Variants in RIC1 observed in about 807,000 individuals in gnomAD.
RIC1 encodes RIC1 partner of RAB6A GEF complex.
A neutral mutation model predicts 169.0 loss-of-function variants in RIC1; 88 were observed. The ratio of observed to expected loss-of-function variants is 0.52; its 90% confidence interval spans 0.44 to 0.62. The LOEUF (loss-of-function observed/expected upper bound fraction) is 0.62, where lower values mean the gene tolerates loss of function less well. Ranked by LOEUF, RIC1 falls within the 20% of genes least tolerant of loss-of-function variation. RIC1 has a pLI of 0.00. For synonymous variants in RIC1, 790 were observed against 601.5 expected (o/e 1.31, Z -4.59); for missense variants, 1,877 against 1,725.5 (o/e 1.09, Z -1.56).
intron 7 of RIC1, 109 bp downstream of exon 7, chr9:5,732,588 T>A (rs1482967786): frequency 1.8e-6 from 1 of 565,932 alleles, no homozygotes; most frequent in Non-Finnish European, 3.1e-6. Context: ...TGCATCATGC[T>A]ATCATAATTT....
At chr9:5,772,295 ACT>A (rs1162843444) in intron 23 of RIC1, among the ~76,000 whole-genome samples, 2 of 152,164 alleles carry the variant, frequency 1.3e-5, no homozygotes, top group Non-Finnish European at 2.9e-5. Context: ...ACTTGGTCAA[ACT>A]CTAGCTAGAT....
chr9:5,709,418 T>A (rs566388268), intron 3 of RIC1, among the ~76,000 whole-genome samples: 1 of 152,174 alleles, frequency 6.6e-6, no homozygotes, highest in Non-Finnish European at 1.5e-5. Context: ...GATTATCAGC[T>A]CCCTTACTTT....
intron 2 of RIC1, among the ~76,000 whole-genome samples, chr9:5,678,080 G>A (rs1820566735): frequency 6.7e-6 from 1 of 149,500 alleles, no homozygotes; most frequent in Admixed American, 6.7e-5. Context: ...TCCCACCTAT[G>A]AGTGAGAACA....
chr9:5,680,170 C>G (rs1016550776), intron 2 of RIC1, among the ~76,000 whole-genome samples: 1 of 152,190 alleles, frequency 6.6e-6, no homozygotes, highest in African/African-American at 2.4e-5. Flanking sequence ...TTGAACCAGC[C>G]TTGCATCCCA....
At chr9:5,771,377 A>G (rs961653924) in intron 23 of RIC1, among the ~76,000 whole-genome samples, 4 of 151,954 alleles carry the variant, frequency 2.6e-5, no homozygotes, top group African/African-American at 9.7e-5. Context: ...TCCTTTTTGG[A>G]GCATGTTTTA....
intron 3 of RIC1, among the ~76,000 whole-genome samples, chr9:5,710,830 C>T (rs997919561): frequency 6.6e-6 from 1 of 151,900 alleles, no homozygotes; most frequent in African/African-American, 2.4e-5. Flanking sequence ...GAAATATATT[C>T]AGTAAAAGCA....
rs142145437 is a variant in RIC1 at position 5,720,893 on chromosome 9, T to A, written c.720+143T>A. The A allele has an allele frequency of 9.3e-3, 6,492 of 700,962 alleles. 53 individuals carry two copies. Among genetic ancestry groups the A allele is most frequent in the Non-Finnish European group, 0.011 (4,682 of 441,112 alleles). 43.4% of individuals were successfully genotyped at this position (700,962 alleles called of 1,614,324 possible). A position where few individuals can be genotyped will look rare whatever the true frequency, so the allele number is the denominator to read the frequency against. On this transcript the variant is annotated intron_variant, in intron 6 of 25. Coordinates refer to ENST00000414202, the MANE Select transcript of RIC1 (RefSeq NM_020829.4). Reference sequence around the variant, plus strand: ...AATCAAACCAAACATATAAATAGTATAAGTAGACAAAATTCTCTTGGACAT... The same window carrying A: ...AATCAAACCAAACATATAAATAGTAAAAGTAGACAAAATTCTCTTGGACAT...
chr9:5,656,724 T>G (rs778903348), intron 2 of RIC1, 34 bp downstream of exon 2: 8 of 1,204,286 alleles, frequency 6.6e-6, no homozygotes, highest in Non-Finnish European at 6.1e-6. Flanking sequence ...AGTGTTTTCT[T>G]ATGAAATCAT....
intron 17 of RIC1, among the ~76,000 whole-genome samples, chr9:5,758,125 G>T (rs1297067198): frequency 6.6e-6 from 1 of 152,122 alleles, no homozygotes; most frequent in African/African-American, 2.4e-5. Context: ...AGTGAAAAAG[G>T]ATATGGAAAG....
chr9:5,720,579 T>G, intron 5 of RIC1, 35 bp from the exon 6 acceptor site: 1 of 1,555,950 alleles, frequency 6.4e-7, no homozygotes, highest in Non-Finnish European at 8.6e-7. Context: ...TATTATATTC[T>G]TAATCCTATT....
rs779830582 is a variant in RIC1 at position 5,769,068 on chromosome 9, T to C, written c.3236T>C (p.Leu1079Pro). Residue 1079 changes from leucine to proline, a missense_variant, in exon 22 of 26, where the codon CTT becomes CCT. Physicochemically the swap from Leu to Pro is moderately conservative, Grantham distance 98. Coordinates refer to ENST00000414202, the MANE Select transcript of RIC1 (RefSeq NM_020829.4). Reference protein sequence around the residue: ...RLLEDVRLKDLGCFAAQLGFE... With the variant: ...RLLEDVRLKDPGCFAAQLGFE... ...TTAGAAGATGTGAGGTTAAAGGACC[T>C]TGGCTGCTTTGCAGCCCAGCTGGGC... 6.2e-7 allele frequency: 1 copy of C among 1,614,122 alleles called. No individual in the cohort carries two copies. The highest frequency in any genetic ancestry group is 1.7e-5 in the Admixed American group (1 of 60,008).
Position 5,721,891 on chromosome 9 carries a change from C to CT in RIC1, c.720+1155dup, listed in dbSNP as rs1261535327. Among the ~76,000 whole-genome samples the CT allele has an allele frequency of 7.6e-3, 1,067 of 141,184 alleles. 2 individuals carry two copies. Among genetic ancestry groups the CT allele is most frequent in the African/African-American group, 9.1e-3 (354 of 38,824 alleles). 92.6% of individuals were successfully genotyped at this position (141,184 alleles called of 152,430 possible). On this transcript the variant is annotated intron_variant, in intron 6 of 25. Coordinates refer to ENST00000414202, the MANE Select transcript of RIC1 (RefSeq NM_020829.4). ...CTGTTCATTTCATCTTTTTTGTTTT[C>CT]TTTTTTTTTTTTTTGAGATGGAATT...
rs148102774 is a variant in RIC1, at chr9:5,772,757, A to C, written c.3794+16A>C. 319 of 1,596,050 alleles carry C rather than the reference A, an allele frequency of 2.0e-4. 5 individuals are homozygous for C. The East Asian group carries it at 6.9e-3, about 35-fold the overall frequency. On this transcript the variant is annotated intron_variant, in intron 24 of 25. Transcript: ENST00000414202. Reference sequence around the variant, plus strand: ...TCCAGCTTCGGTGAGTTTCTTGGCTATTTGAAATCACAGAATGCCTACTCA... The same window carrying C: ...TCCAGCTTCGGTGAGTTTCTTGGCTCTTTGAAATCACAGAATGCCTACTCA...
At position 5,722,348 on chromosome 9, in the gene RIC1, A is replaced by AGAGAGAGAGTGTGTGTGTGTGT. The variant is rs374028302; in HGVS notation, c.720+1599_720+1600insAGAGAGAGTGTGTGTGTGTGTG. On this transcript the variant is annotated intron_variant, in intron 6 of 25. Coordinates refer to ENST00000414202, the MANE Select transcript of RIC1 (RefSeq NM_020829.4). The stretch of plus-strand genomic sequence containing the variant: ...CTTGCAAAAACTATAAGAGAGAGAG[A>AGAGAGAGAGTGTGTGTGTGTGT]GTGTGTGTGTGTGTGTGTGTGTGTG... 3.0e-5 allele frequency among the ~76,000 whole-genome samples: 4 copies of AGAGAGAGAGTGTGTGTGTGTGT among 131,336 alleles called. No homozygotes were observed. The East Asian group carries it at 7.0e-4, about 23-fold the overall frequency. 86.2% of individuals were successfully genotyped at this position (131,336 alleles called of 152,430 possible). A position where few individuals can be genotyped will look rare whatever the true frequency, so the allele number is the denominator to read the frequency against.
chr9:5,707,548 C>G (rs1010965174), intron 3 of RIC1, among the ~76,000 whole-genome samples: 3 of 151,994 alleles, frequency 2.0e-5, no homozygotes, highest in African/African-American at 7.2e-5. Flanking sequence ...TTTTGTGGCT[C>G]TGATGCTATA....
chr9:5,759,997 G>GAGAA (rs1264468979), intron 17 of RIC1, among the ~76,000 whole-genome samples: 8 of 152,222 alleles, frequency 5.3e-5, no homozygotes, highest in Non-Finnish European at 1.2e-4. Flanking sequence ...CTTTCACAAA[G>GAGAA]AGAAGGTGCT....
At chr9:5,667,644 T>C (rs748516873) in intron 2 of RIC1, among the ~76,000 whole-genome samples, 1 of 151,702 alleles carries the variant, frequency 6.6e-6, no homozygotes, top group Non-Finnish European at 1.5e-5. Flanking sequence ...GCTGGGACCA[T>C]AGGCACGCAC....
intron 7 of RIC1, among the ~76,000 whole-genome samples, chr9:5,733,821 A>G (rs1386963686): frequency 1.3e-5 from 2 of 151,672 alleles, no homozygotes; most frequent in African/African-American, 2.4e-5. Flanking sequence ...CATTTCACCT[A>G]TAATTTTCCT....
At chr9:5,707,626 C>T (rs973106140) in intron 3 of RIC1, among the ~76,000 whole-genome samples, 16 of 152,024 alleles carry the variant, frequency 1.1e-4, no homozygotes, top group African/African-American at 3.9e-4. Flanking sequence ...AAAAATCCTT[C>T]TTTGTCTCTT....
Sources: gnomAD v4.1 joint callset for allele counts (sites outside exome capture counted in the v4.1 genomes callset) on GRCh38, gnomAD v4.1.1 for gene constraint, MANE v1.5 for transcripts, NCBI Gene and HGNC (gene_info 2026-07-23, HGNC 2026-07-21) for gene names.